The following ABI3BP variants were observed in gnomAD, a reference collection of about 807,000 sequenced individuals.
The protein encoded by ABI3BP is ABI family member 3 binding protein.
A neutral mutation model predicts 268.6 loss-of-function variants in ABI3BP; 216 were observed. The observed-to-expected ratio is 0.80, with a 90% CI of 0.72 to 0.90. ABI3BP has a LOEUF of 0.90. Among genes scored for constraint, ABI3BP ranks in the 40% least tolerant of loss-of-function variants. The pLI, the probability that ABI3BP is intolerant of heterozygous loss-of-function variation, is 0.00. For missense variants in ABI3BP, 2,090 were observed against 2,182.4 expected, an observed-to-expected ratio of 0.96 and a Z score of 0.84; for synonymous variants, 730 against 730.0, an observed-to-expected ratio of 1.00 and a Z score of 0.00.
rs781631662 is a variant in ABI3BP at position 100,775,199 on chromosome 3, A to G, written c.4462+8T>C. 29 of 1,612,572 alleles carry G rather than the reference A, an allele frequency of 1.8e-5. No homozygotes were observed. Among genetic ancestry groups the G allele is most frequent in the Non-Finnish European group, 2.3e-5 (27 of 1,179,324 alleles). Reference sequence around the variant, plus strand: ...AAGTATCCAGTGAGAACTGATGGCCATACGAACCCAGTTCTTCTCCAGAGG... The same window carrying G: ...AAGTATCCAGTGAGAACTGATGGCCGTACGAACCCAGTTCTTCTCCAGAGG... On this transcript the variant is annotated splice_region_variant and intron_variant, in intron 60 of 67. Transcript: ENST00000471714.
In ABI3BP at chr3:100,789,456, G is replaced by T. The variant is rs755261113; in HGVS notation, c.4085C>A (p.Pro1362His). 1.6e-5 allele frequency: 25 copies of T among 1,599,534 alleles called. No individual in the cohort carries two copies. The highest frequency in any genetic ancestry group is 2.1e-5 in the Non-Finnish European group (25 of 1,172,544). The change falls in exon 56 of 68, where the codon CCT (proline) becomes CAT (histidine). Residue 1362 changes from proline (P) to histidine (H), a missense_variant and splice_region_variant. By Grantham distance (77) the Pro-to-His change is moderately conservative (BLOSUM62 -2). Transcript: ENST00000471714. ...AAGTCATCAGAGAAACAACTTACCA[G>T]GTCTGATGTGTGGCTTGTCAGATGT... ...PRTSDKPHIR[P>H]VLNRTTTRPT...
At chr3:100,952,702 A>G (rs982869668) in intron 1 of ABI3BP, 1 of 152,190 alleles carries the variant, frequency 6.6e-6, no homozygotes, top group Non-Finnish European at 1.5e-5. Context: ...CACAAGAATG[A>G]CACACAAATT....
At chr3:100,907,493 G>A (rs143064338) in intron 2 of ABI3BP, among the ~76,000 whole-genome samples, 1 of 151,866 alleles carries the variant, frequency 6.6e-6, no homozygotes, top group Admixed American at 6.6e-5. Flanking sequence ...CCTTGTTTTG[G>A]GGGGGGAATA....
chr3:100,936,045 G>C (rs1280488806), intron 1 of ABI3BP, among the ~76,000 whole-genome samples: 3 of 152,152 alleles, frequency 2.0e-5, no homozygotes, highest in Non-Finnish European at 4.4e-5. Context: ...GGGCATCCTT[G>C]TCTTGTGCCA....
rs749726192 is a variant in ABI3BP at position 100,993,279 on chromosome 3, T to A, written c.79+27A>T. ...AACATCTATATCTTAATATTATTTT[T>A]AAAACATAAAACATCAGGCTACTTG... is the stretch of plus-strand genomic sequence containing the variant. On this transcript the variant is annotated intron_variant, in intron 1 of 67. Transcript: ENST00000471714. 18 of 1,451,038 alleles carry A rather than the reference T, an allele frequency of 1.2e-5. No homozygotes were observed. The African/African-American group carries it at 2.1e-4, about 17-fold the overall frequency. The allele number at this position is 1,451,038 out of a possible 1,614,324, so 89.9% of individuals were successfully genotyped here. A position where few individuals can be genotyped will look rare whatever the true frequency, so the allele number is the denominator to read the frequency against.
intron 10 of ABI3BP, among the ~76,000 whole-genome samples, chr3:100,866,420 A>G (rs1004388168): frequency 6.6e-6 from 1 of 152,224 alleles, no homozygotes; most frequent in South Asian, 2.1e-4. Flanking sequence ...TCTCTACACT[A>G]GGATTGCTAA....
chr3:100,933,632 A>AATAT (rs55749258), intron 1 of ABI3BP, among the ~76,000 whole-genome samples: 38,884 of 146,142 alleles, frequency 0.27, 5,523 homozygotes, highest in Middle Eastern at 0.38. Flanking sequence ...CAATATTTGC[A>AATAT]ATATATATAT....
At chr3:100,883,155 T>C (rs1408582776) in intron 6 of ABI3BP, among the ~76,000 whole-genome samples, 1 of 152,090 alleles carries the variant, frequency 6.6e-6, no homozygotes, top group East Asian at 1.9e-4. Flanking sequence ...CTATATACCA[T>C]AGTTAAATAA....
At chr3:100,832,378 T>A (rs1315388365) in intron 30 of ABI3BP, 28 bp from the exon 31 acceptor site, 1 of 1,525,662 alleles carries the variant, frequency 6.6e-7, no homozygotes, top group Admixed American at 2.0e-5. Context: ...AGGATTAATA[T>A]GGTGCTGATG....
intron 9 of ABI3BP, among the ~76,000 whole-genome samples, chr3:100,869,434 T>C (rs2099089512): frequency 6.9e-6 from 1 of 144,014 alleles, no homozygotes; most frequent in East Asian, 2.2e-4. Context: ...AACTTCAAAC[T>C]CCTGGGCTCA....
chr3:100,841,220 T>TTTTTTTTTTTTTTTTTTTTTGTTTTTTTG (rs1560681726), intron 21 of ABI3BP, among the ~76,000 whole-genome samples: 17 of 119,586 alleles, frequency 1.4e-4, no homozygotes, highest in South Asian at 5.7e-4. Flanking sequence ...TTTTTTTTTT[T>TTTTTTTTTTTTTTTTTTTTTGTTTTTTTG]TTTTTTTGCT....
intron 10 of ABI3BP, 119 bp downstream of exon 10, chr3:100,866,760 G>A (rs2099054258): frequency 2.5e-6 from 2 of 807,902 alleles, no homozygotes; most frequent in Non-Finnish European, 3.9e-6. Flanking sequence ...CTACTGTTTT[G>A]CATTTATGAT....
chr3:100,896,349 C>T (rs142491250), intron 4 of ABI3BP, among the ~76,000 whole-genome samples: 1 of 152,192 alleles, frequency 6.6e-6, no homozygotes, highest in Non-Finnish European at 1.5e-5. Flanking sequence ...TTCATTATCT[C>T]CGGGTGCTGT....
intron 2 of ABI3BP, among the ~76,000 whole-genome samples, chr3:100,923,590 T>C (rs567598256): frequency 6.6e-6 from 1 of 152,228 alleles, no homozygotes; most frequent in South Asian, 2.1e-4. Context: ...ACTAGTCATC[T>C]TTGGAAATAA....
chr3:100,921,621 T>C (rs729774), intron 2 of ABI3BP, among the ~76,000 whole-genome samples: 149,787 of 152,212 alleles, frequency 0.98, 73,732 homozygotes, highest in East Asian at 1. Context: ...TAATAGCCAC[T>C]GGGGAAAATA....
chr3:100,860,709 C>T (rs1560940089), intron 14 of ABI3BP, among the ~76,000 whole-genome samples: 1 of 152,102 alleles, frequency 6.6e-6, no homozygotes, highest in Non-Finnish European at 1.5e-5. Context: ...TTAGTTTGCT[C>T]TTGAATATTC....
chr3:100,824,974 G>T lies in ABI3BP; in HGVS notation c.2663-33C>A, dbSNP rs117351784. On this transcript the variant is annotated intron_variant, in intron 35 of 67. Transcript: ENST00000471714. Reference sequence around the variant, plus strand: ...AAGAAAAAGCCTTGTGTTACTCTAGGTCTTATGATTCTGGATACTGAGGAA... The same window carrying T: ...AAGAAAAAGCCTTGTGTTACTCTAGTTCTTATGATTCTGGATACTGAGGAA... 8.2e-4 allele frequency: 1,242 copies of T among 1,512,656 alleles called. 30 individuals are homozygous for T. The East Asian group carries it at 0.021, about 26-fold the overall frequency. 93.7% of individuals were successfully genotyped at this position (1,512,656 alleles called of 1,614,324 possible). A position where few individuals can be genotyped will look rare whatever the true frequency, so the allele number is the denominator to read the frequency against.
intron 63 of ABI3BP, among the ~76,000 whole-genome samples, chr3:100,759,610 T>C (rs575606212): frequency 5.3e-5 from 8 of 152,174 alleles, no homozygotes; most frequent in Non-Finnish European, 7.3e-5. Context: ...GGTACTGTTA[T>C]CACTTTCTTC....
At chr3:100,755,522 C>T (rs9840416) in intron 63 of ABI3BP, among the ~76,000 whole-genome samples, 6,161 of 152,214 alleles carry the variant, frequency 0.04, 375 homozygotes, top group African/African-American at 0.13. Flanking sequence ...ACCCCAAATT[C>T]ATATCGGCCA....
Sources: gnomAD v4.1 joint callset for allele counts (sites outside exome capture counted in the v4.1 genomes callset) on GRCh38, gnomAD v4.1.1 for gene constraint, MANE v1.5 for transcripts, NCBI Gene and HGNC (gene_info 2026-07-23, HGNC 2026-07-21) for gene names.